LYRM4: variants seen among roughly 807,000 people sequenced by gnomAD.
LYRM4 encodes LYR motif containing 4.
Under a neutral mutation model 11.7 loss-of-function variants are expected in LYRM4, and 9 were observed. The observed-to-expected ratio is 0.77, with a 90% CI of 0.46 to 1.34. The LOEUF (loss-of-function observed/expected upper bound fraction) is 1.34, where lower values mean the gene tolerates loss of function less well. Ranked by LOEUF, LYRM4 falls within the 40% of genes most tolerant of loss-of-function variation. The probability of loss-of-function intolerance (pLI) is 0.00; values close to 1 mark genes in which losing one functional copy is unlikely to be tolerated. For synonymous variants in LYRM4, 42 were observed against 40.4 expected (o/e 1.04, Z -0.15); for missense variants, 133 against 112.5 (o/e 1.18, Z -0.82).
At chr6:5,058,586 G>A in the LYRM4 span, among the ~76,000 whole-genome samples, 1 of 152,248 alleles carries the variant, frequency 6.6e-6, no homozygotes, top group South Asian at 2.1e-4. Flanking sequence ...CTCAGCTTCA[G>A]GCATCCCTCG....
chr6:5,217,591 A>C (rs1408034977), intron 1 of LYRM4, among the ~76,000 whole-genome samples: 4 of 152,260 alleles, frequency 2.6e-5, no homozygotes, highest in Non-Finnish European at 5.9e-5. Flanking sequence ...AATTTGGCCC[A>C]AAGCCTGTTA....
the LYRM4 span, among the ~76,000 whole-genome samples, chr6:5,078,567 G>A: frequency 1.5e-4 from 23 of 152,132 alleles, no homozygotes; most frequent in African/African-American, 3.4e-4. Context: ...AAATGGCTTC[G>A]GTTAAACACA....
the LYRM4 span, among the ~76,000 whole-genome samples, chr6:5,070,735 G>A: frequency 1.3e-5 from 2 of 151,950 alleles, no homozygotes; most frequent in Non-Finnish European, 2.9e-5. Context: ...AAATTACCTG[G>A]GCATGGTGGT....
At chr6:5,084,609 A>T in the LYRM4 span, 1 of 152,000 alleles carries the variant, frequency 6.6e-6, no homozygotes, top group Admixed American at 6.6e-5. Context: ...GCTGCGGGCC[A>T]TGGCCGCTCC....
chr6:5,222,707 TAAA>T (rs987845034), intron 1 of LYRM4, among the ~76,000 whole-genome samples: 1 of 128,130 alleles, frequency 7.8e-6, no homozygotes, highest in Non-Finnish European at 1.7e-5. Flanking sequence ...TAAAGTAAAT[TAAA>T]AAAAAGTATA....
intron 2 of LYRM4, among the ~76,000 whole-genome samples, chr6:5,179,581 G>C (rs1287301400): frequency 2.6e-5 from 4 of 152,158 alleles, no homozygotes; most frequent in Non-Finnish European, 5.9e-5. Context: ...ATTCATCCAT[G>C]TTATAGCATG....
intron 2 of LYRM4, among the ~76,000 whole-genome samples, chr6:5,145,404 C>T (rs1757663538): frequency 6.6e-6 from 1 of 152,204 alleles, no homozygotes; most frequent in African/African-American, 2.4e-5. Context: ...GTATTGTTCT[C>T]ATTTTGCAGG....
intron 2 of LYRM4, among the ~76,000 whole-genome samples, chr6:5,127,622 G>T (rs1170725983): frequency 6.6e-6 from 1 of 152,064 alleles, no homozygotes; most frequent in Non-Finnish European, 1.5e-5. Flanking sequence ...AAGAAAAAAA[G>T]GAAAATATGT....
chr6:5,146,327 G>A (rs937798937), intron 2 of LYRM4, among the ~76,000 whole-genome samples: 3 of 152,340 alleles, frequency 2.0e-5, no homozygotes, highest in Admixed American at 6.5e-5. Flanking sequence ...ATGGGCCTGT[G>A]CCAGGTCTGT....
At chr6:5,226,129 G>A (rs534711377) in intron 1 of LYRM4, among the ~76,000 whole-genome samples, 2 of 152,246 alleles carry the variant, frequency 1.3e-5, no homozygotes, top group African/African-American at 4.8e-5. Flanking sequence ...TTTTTGTGAT[G>A]TAGAAATGTT....
At chr6:5,219,258 A>G (rs1239652271) in intron 1 of LYRM4, among the ~76,000 whole-genome samples, 2 of 152,218 alleles carry the variant, frequency 1.3e-5, no homozygotes, top group Non-Finnish European at 2.9e-5. Context: ...TCAACAATTT[A>G]TATCAACTGA....
At position 5,260,925 on chromosome 6, in the gene LYRM4, T is replaced by C; in HGVS notation, c.-192A>G. On this transcript the variant is annotated 5_prime_UTR_variant, in exon 1 of 3. Coordinates refer to ENST00000330636, the MANE Select transcript of LYRM4 (RefSeq NM_020408.6). Reference sequence around the variant, plus strand: ...GACGGCGCCAGGCGTCCCGCGCCGCTTCGGGGGCGGGCGCAGGCAGGGCTC... The same window carrying C: ...GACGGCGCCAGGCGTCCCGCGCCGCCTCGGGGGCGGGCGCAGGCAGGGCTC... 7.4e-7 allele frequency: 1 copy of C among 1,354,096 alleles called. No individual in the cohort carries two copies. The highest frequency in any genetic ancestry group is 1.6e-5 in the African/African-American group (1 of 64,306). The allele number at this position is 1,354,096 out of a possible 1,614,324, so 83.9% of individuals were successfully genotyped here.
chr6:5,090,675 C>T, the LYRM4 span, among the ~76,000 whole-genome samples: 1 of 152,168 alleles, frequency 6.6e-6, no homozygotes, highest in African/African-American at 2.4e-5. The surrounding 1 kb of genome is among the most constrained non-coding windows in gnomAD (Gnocchi z 4.8). Flanking sequence ...TCTGCCTTGA[C>T]CGAGGGGTGA....
the LYRM4 span, among the ~76,000 whole-genome samples, chr6:5,041,915 G>T: frequency 6.6e-6 from 1 of 152,126 alleles, no homozygotes; most frequent in Non-Finnish European, 1.5e-5. Flanking sequence ...GTTTCTTTGA[G>T]CAGTCTTATG....
At chr6:5,247,900 G>A (rs925247727) in intron 1 of LYRM4, among the ~76,000 whole-genome samples, 16 of 152,136 alleles carry the variant, frequency 1.1e-4, no homozygotes, top group East Asian at 1.9e-4. Context: ...ATAATTAATC[G>A]GCAAATTATT....
intron 1 of LYRM4, among the ~76,000 whole-genome samples, chr6:5,245,106 AAAAAAAAATATATATAT>A (rs1764096182): frequency 1.1e-4 from 6 of 52,408 alleles, no homozygotes; most frequent in Non-Finnish European, 1.8e-4. Flanking sequence ...AAAAAAAAAA[AAAAAAAAATATATATAT>A]ATATATATAT....
rs371603257 is a variant in LYRM4 at position 5,223,687 on chromosome 6, C to T, written c.87-6949G>A. Among the ~76,000 whole-genome samples, 32 of 152,168 alleles carry T rather than the reference C, an allele frequency of 2.1e-4. No homozygotes were observed. The South Asian group carries it at 3.7e-3, about 18-fold the overall frequency. On this transcript the variant is annotated intron_variant, in intron 1 of 2. Coordinates refer to ENST00000330636, the MANE Select transcript of LYRM4 (RefSeq NM_020408.6). ...CATGTCTTAAGAAAAGACAAATGGA[C>T]GAGAGCATTTCAAGGGAAAGAGCTA...
At chr6:5,184,462 G>GGCTAT (rs1451680340) in intron 2 of LYRM4, among the ~76,000 whole-genome samples, 1 of 152,156 alleles carries the variant, frequency 6.6e-6, no homozygotes, top group Non-Finnish European at 1.5e-5. Flanking sequence ...ATAGCCATAA[G>GGCTAT]GATTGATTTT....
intron 1 of LYRM4, among the ~76,000 whole-genome samples, chr6:5,222,780 A>G (rs1469026149): frequency 3.3e-5 from 5 of 151,674 alleles, no homozygotes; most frequent in Non-Finnish European, 7.4e-5. Context: ...AAAAAAAAGA[A>G]AGATTAGAAT....
Sources: allele counts gnomAD v4.1 joint callset (sites outside exome capture counted in the v4.1 genomes callset), GRCh38; gene constraint gnomAD v4.1.1; non-coding constraint Gnocchi (gnomAD v3.1); transcripts MANE v1.5; gene names NCBI Gene and HGNC (gene_info 2026-07-23, HGNC 2026-07-21).